PRKN: variants seen among roughly 807,000 people sequenced by gnomAD.
PRKN encodes E3 ubiquitin-protein ligase parkin.
In PRKN, 56 loss-of-function variants were observed where a neutral mutation model predicts 59.5. The observed-to-expected ratio is 0.94, with a 90% CI of 0.76 to 1.18. The LOEUF (loss-of-function observed/expected upper bound fraction) is 1.18, where lower values mean the gene tolerates loss of function less well. PRKN is among the 50% of genes most tolerant of loss of function. The pLI, the probability that PRKN is intolerant of heterozygous loss-of-function variation, is 0.00. For missense variants in PRKN, 657 were observed against 596.4 expected (o/e 1.10, Z -1.06); for synonymous variants, 250 against 222.1 (o/e 1.13, Z -1.12).
intron 2 of PRKN, among the ~76,000 whole-genome samples, chr6:162,315,497 G>A (rs533311958): frequency 1.9e-4 from 29 of 152,106 alleles, no homozygotes; most frequent in Non-Finnish European, 4.0e-4. Flanking sequence ...AGTGAAATTT[G>A]CATTTCAAAT....
chr6:161,370,213 A>G (rs1785383732), intron 10 of PRKN, among the ~76,000 whole-genome samples: 1 of 151,766 alleles, frequency 6.6e-6, no homozygotes, highest in Admixed American at 6.6e-5. Flanking sequence ...GGTCAATATA[A>G]TGAGACCCTG....
At chr6:161,798,985 T>C (rs1460366701) in intron 6 of PRKN, among the ~76,000 whole-genome samples, 4 of 152,192 alleles carry the variant, frequency 2.6e-5, no homozygotes, top group Non-Finnish European at 5.9e-5. Flanking sequence ...AATGTCTATG[T>C]TCTCGCCAGA....
intron 5 of PRKN, among the ~76,000 whole-genome samples, chr6:161,993,792 T>C (rs1311277298): frequency 1.3e-5 from 2 of 152,184 alleles, no homozygotes; most frequent in Non-Finnish European, 2.9e-5. Flanking sequence ...CACCTGCTTC[T>C]GGTGAAGGGC....
intron 1 of PRKN, among the ~76,000 whole-genome samples, chr6:162,542,711 C>G (rs987231857): frequency 6.6e-6 from 1 of 152,124 alleles, no homozygotes; most frequent in Non-Finnish European, 1.5e-5. Flanking sequence ...AAGTGCAATG[C>G]ATGGGGCATA....
intron 1 of PRKN, chr6:162,568,812 A>G (rs1780194026): frequency 1.4e-6 from 1 of 731,696 alleles, no homozygotes; most frequent in Non-Finnish European, 2.5e-6. Flanking sequence ...GCTTGGCAAC[A>G]TGCAGGGGCT....
At chr6:161,819,815 C>T (rs1347679564) in intron 6 of PRKN, among the ~76,000 whole-genome samples, 1 of 152,182 alleles carries the variant, frequency 6.6e-6, no homozygotes, top group Non-Finnish European at 1.5e-5. Flanking sequence ...GAAGTCCAAT[C>T]ACTAAGCATA....
At chr6:162,490,529 A>G (rs1792761365) in intron 1 of PRKN, among the ~76,000 whole-genome samples, 1 of 152,212 alleles carries the variant, frequency 6.6e-6, no homozygotes, top group Non-Finnish European at 1.5e-5. Flanking sequence ...ATTTTTTCCC[A>G]TAGTTTCCTG....
intron 6 of PRKN, among the ~76,000 whole-genome samples, chr6:161,821,739 TTTTTTTTTTTTTTTTTTTTTTTTTTTTG>T (rs1190595575): frequency 3.2e-4 from 5 of 15,494 alleles, no homozygotes; most frequent in African/African-American, 6.5e-4. Flanking sequence ...TTTTTTTTTT[TTTTTTTTTTTTTTTTTTTTTTTTTTTTG>T]AGATGCAGTC....
rs548887141 is a variant in PRKN at position 162,447,154 on chromosome 6, T to C, written c.8-3681A>G. On this transcript the variant is annotated intron_variant, in intron 1 of 11. Coordinates refer to ENST00000366898, the MANE Select transcript of PRKN (RefSeq NM_004562.3). ...CTATCCTCCTAGTGCTGGGCAAGTGTGTGCTCCAAAAATAGTTCCCTATTC... is the reference window on the plus strand; with the variant it reads ...CTATCCTCCTAGTGCTGGGCAAGTGCGTGCTCCAAAAATAGTTCCCTATTC... 2.5e-4 allele frequency among the ~76,000 whole-genome samples: 38 copies of C among 152,322 alleles called. 1 individual carries two copies. The highest frequency in any genetic ancestry group is 5.0e-4 in the Non-Finnish European group (34 of 68,020).
At chr6:162,698,420 T>C (rs1209984360) in intron 1 of PRKN, among the ~76,000 whole-genome samples, 1 of 147,804 alleles carries the variant, frequency 6.8e-6, no homozygotes, top group Non-Finnish European at 1.5e-5. Context: ...GTTTGCTACT[T>C]TTTCCTTTTA....
At chr6:162,139,090 CT>C (rs1332646119) in intron 4 of PRKN, among the ~76,000 whole-genome samples, 1 of 152,160 alleles carries the variant, frequency 6.6e-6, no homozygotes, top group Non-Finnish European at 1.5e-5. Flanking sequence ...CCATTACCTC[CT>C]TAAAAAGAAG....
chr6:162,409,110 G>A (rs1385769110), intron 2 of PRKN, among the ~76,000 whole-genome samples: 1 of 151,908 alleles, frequency 6.6e-6, no homozygotes, highest in African/African-American at 2.4e-5. Context: ...CTTTTGTGGT[G>A]TACCTTCCAT....
chr6:162,632,334 G>T (rs1783142206), intron 1 of PRKN, among the ~76,000 whole-genome samples: 1 of 152,162 alleles, frequency 6.6e-6, no homozygotes, highest in Non-Finnish European at 1.5e-5. Flanking sequence ...CCATAAGAAA[G>T]AATGAAATCA....
intron 2 of PRKN, among the ~76,000 whole-genome samples, chr6:162,384,479 A>G (rs1327243760): frequency 6.6e-6 from 1 of 152,116 alleles, no homozygotes; most frequent in African/African-American, 2.4e-5. Context: ...CTCCAAAACA[A>G]TAAGATCAAA....
chr6:162,412,655 T>C lies in PRKN; in HGVS notation c.171+30655A>G, dbSNP rs150574460. Among the ~76,000 whole-genome samples the C allele has an allele frequency of 1.3e-3, 201 of 152,306 alleles. 1 individual carries two copies. The highest frequency in any genetic ancestry group is 4.6e-3 in the African/African-American group (190 of 41,578). On this transcript the variant is annotated intron_variant, in intron 2 of 11. Coordinates refer to ENST00000366898, the MANE Select transcript of PRKN (RefSeq NM_004562.3). The stretch of plus-strand genomic sequence containing the variant: ...TACAATGACACATTAAATACAACTG[T>C]GCTTTCTAAAACCTGATACTTGACA...
At chr6:162,525,763 T>C (rs2846507) in intron 1 of PRKN, among the ~76,000 whole-genome samples, 71,448 of 152,076 alleles carry the variant, frequency 0.47, 18,206 homozygotes, top group Non-Finnish European at 0.57. Context: ...TGAATGACTC[T>C]TCTCCACAAG....
chr6:162,566,556 C>A (rs2023012), intron 1 of PRKN, among the ~76,000 whole-genome samples: 57,059 of 152,042 alleles, frequency 0.38, 11,691 homozygotes, highest in Non-Finnish European at 0.46. Context: ...TTCCTAGATA[C>A]ATACAACCTA....
intron 1 of PRKN, among the ~76,000 whole-genome samples, chr6:162,561,589 A>C (rs1250871009): frequency 6.6e-6 from 1 of 152,130 alleles, no homozygotes; most frequent in Non-Finnish European, 1.5e-5. Context: ...AACAAAAAAA[A>C]CCCGTCCTGA....
chr6:162,154,734 C>A (rs1893542), intron 4 of PRKN, among the ~76,000 whole-genome samples: 144,002 of 152,118 alleles, frequency 0.95, 68,505 homozygotes, highest in Non-Finnish European at 1. Flanking sequence ...AGTAAAAGAG[C>A]ATCAGGTAGT....
Sources: allele counts gnomAD v4.1 joint callset (sites outside exome capture counted in the v4.1 genomes callset), GRCh38; gene constraint gnomAD v4.1.1; transcripts MANE v1.5; gene names NCBI Gene and HGNC (gene_info 2026-07-23, HGNC 2026-07-21).